Variants in PNPLA7 observed in about 807,000 individuals in gnomAD.
PNPLA7 encodes patatin like domain 7, lysophospholipase.
PNPLA7 carries 153 observed loss-of-function variants against 161.7 expected under a neutral mutation model. That is an observed-to-expected ratio of 0.95 (90% CI 0.83 to 1.08). The LOEUF (loss-of-function observed/expected upper bound fraction) is 1.08, where lower values mean the gene tolerates loss of function less well. PNPLA7 is among the 50% of genes least tolerant of loss of function. PNPLA7 has a pLI of 0.00. For missense variants in PNPLA7, 1,739 were observed against 1,856.6 expected, an observed-to-expected ratio of 0.94 and a Z score of 1.16; for synonymous variants, 809 against 782.1, an observed-to-expected ratio of 1.03 and a Z score of -0.57.
Position 137,521,708 on chromosome 9 carries a change from C to A in PNPLA7, c.885G>T (p.Met295Ile). The change falls in exon 10 of 35, where the codon ATG (methionine) becomes ATT (isoleucine). Residue 295 changes from methionine (M) to isoleucine (I), a missense_variant. Physicochemically the swap from Met to Ile is conservative, Grantham distance 10. This residue lies in a region of PNPLA7 where 152 missense variants were observed against 193.5 expected (regional missense o/e 0.79). Coordinates refer to ENST00000406427, the MANE Select transcript of PNPLA7 (RefSeq NM_001098537.3). ...ETLVRVVQII[M>I]VRLQRVTFLA... ...GAAAGGTCACCCTCTGCAGCCGCAC[C>A]ATGATGATCTGCAAGAACACGCCAG... 6.2e-7 allele frequency: 1 copy of A among 1,610,602 alleles called. No homozygotes were observed.
At chr9:137,538,539 A>G (rs1836015313) in intron 8 of PNPLA7, among the ~76,000 whole-genome samples, 1 of 152,216 alleles carries the variant, frequency 6.6e-6, no homozygotes, top group South Asian at 2.1e-4. Flanking sequence ...TGAGCTCTAG[A>G]AAACTCTCCT....
rs555681357 is a variant in PNPLA7, at chr9:137,522,285, A to G, written c.876+444T>C. Among the ~76,000 whole-genome samples the G allele has an allele frequency of 2.0e-4, 30 of 149,916 alleles. 1 individual carries two copies. The highest frequency in any genetic ancestry group is 1.2e-3 in the East Asian group (6 of 5,120). On this transcript the variant is annotated intron_variant, in intron 9 of 34. Transcript: ENST00000406427. ...GAGACGGGGTTTCACCGTGTGAGCC[A>G]GGATGGTCTCGATCTCCTGACCTCG... is the stretch of plus-strand genomic sequence containing the variant.
chr9:137,541,008 C>G lies in PNPLA7; in HGVS notation c.667-286G>C, dbSNP rs1473306878. Among the ~76,000 whole-genome samples, 1 of 152,140 alleles carries G rather than the reference C, an allele frequency of 6.6e-6. No homozygotes were observed. The highest frequency in any genetic ancestry group is 1.5e-5 in the Non-Finnish European group (1 of 68,032). ...GGACTGAGGCAAAAGCTCGCAGAGC[C>G]TGTTTGTTTGCTGAGCTAACTATAA... On this transcript the variant is annotated intron_variant, in intron 7 of 34. Coordinates refer to ENST00000406427, the MANE Select transcript of PNPLA7 (RefSeq NM_001098537.3). The surrounding 1 kb of genome is among the most constrained non-coding windows in gnomAD (Gnocchi z 4.4).
rs1831519665 is a variant in PNPLA7 at position 137,467,250 on chromosome 9, A to G, written c.3039+67T>C. 2 of 1,522,416 alleles carry G rather than the reference A, an allele frequency of 1.3e-6. No individual in the cohort carries two copies. Among genetic ancestry groups the G allele is most frequent in the African/African-American group, 2.7e-5 (2 of 72,842 alleles). 94.3% of individuals were successfully genotyped at this position (1,522,416 alleles called of 1,614,324 possible). A position where few individuals can be genotyped will look rare whatever the true frequency, so the allele number is the denominator to read the frequency against. On this transcript the variant is annotated intron_variant, in intron 26 of 34. Coordinates refer to ENST00000406427, the MANE Select transcript of PNPLA7 (RefSeq NM_001098537.3). The surrounding 1 kb of genome is among the most constrained non-coding windows in gnomAD (Gnocchi z 5.1). ...GCCACATGCAGAGGCCAACGGCCCC[A>G]GCGTCCCCCAGCACCAGCAAGGACC... is the stretch of plus-strand genomic sequence containing the variant.
intron 25 of PNPLA7, among the ~76,000 whole-genome samples, chr9:137,472,312 T>C (rs759766460): frequency 8.6e-5 from 13 of 151,822 alleles, no homozygotes; most frequent in Non-Finnish European, 1.8e-4. Flanking sequence ...GGAGGCTGGG[T>C]ACGGTGGCTC....
rs1394119396 is a variant in PNPLA7 at position 137,476,782 on chromosome 9, T to C, written c.2882+1252A>G. On this transcript the variant is annotated intron_variant, in intron 25 of 34. Coordinates refer to ENST00000406427, the MANE Select transcript of PNPLA7 (RefSeq NM_001098537.3). This position sits in a 1 kb window ranked among gnomAD's most constrained non-coding sequence, Gnocchi z 4.5. ...CTGTCCCAGACCCACAGAAAGAGAC[T>C]TGGGTCCTGTCCCCAGCCTGGCAAC... is the stretch of plus-strand genomic sequence containing the variant. 2.0e-5 allele frequency among the ~76,000 whole-genome samples: 3 copies of C among 152,224 alleles called. No individual in the cohort carries two copies. The highest frequency in any genetic ancestry group is 2.1e-4 in the South Asian group (1 of 4,836).
chr9:137,460,515 G>C (rs1183620858), intron 34 of PNPLA7, 39 bp from the exon 35 acceptor site: 2 of 1,608,910 alleles, frequency 1.2e-6, no homozygotes, highest in African/African-American at 1.3e-5. Flanking sequence ...GGACCAGGCA[G>C]GGCAGGGGCT....
chr9:137,510,329 C>T (rs1414385879), intron 12 of PNPLA7, among the ~76,000 whole-genome samples: 9 of 152,198 alleles, frequency 5.9e-5, no homozygotes, highest in South Asian at 2.1e-4. Context: ...TCAGTGGTCA[C>T]GCTCCTAGTC....
intron 8 of PNPLA7, among the ~76,000 whole-genome samples, chr9:137,533,943 C>T (rs1835739434): frequency 6.6e-6 from 1 of 151,656 alleles, no homozygotes; most frequent in Non-Finnish European, 1.5e-5. Flanking sequence ...ACAGTGTCCA[C>T]TCCAGGCGGG....
intron 8 of PNPLA7, among the ~76,000 whole-genome samples, chr9:137,530,180 C>CA (rs1835514690): frequency 6.6e-6 from 1 of 151,186 alleles, no homozygotes; most frequent in Non-Finnish European, 1.5e-5. Context: ...TTGGCCAGGA[C>CA]AGTCTTGATC....
At position 137,520,034 on chromosome 9, in the gene PNPLA7, C is replaced by A; in HGVS notation, c.967G>T (p.Ala323Ser). 6.2e-7 allele frequency: 1 copy of A among 1,612,358 alleles called. No individual in the cohort carries two copies. Among genetic ancestry groups the A allele is most frequent in the Non-Finnish European group, 8.5e-7 (1 of 1,179,878 alleles). Residue 323 changes from alanine to serine, a missense_variant, in exon 11 of 35, where the codon GCC becomes TCC. Ala to Ser is a moderately conservative substitution (Grantham distance 99). This residue lies in a region of PNPLA7 where 152 missense variants were observed against 193.5 expected (regional missense o/e 0.79). Coordinates refer to ENST00000406427, the MANE Select transcript of PNPLA7 (RefSeq NM_001098537.3). This position sits in a 1 kb window ranked among gnomAD's most constrained non-coding sequence, Gnocchi z 5.2. ...CTGGCTACAGACACGAGAGGGATGG[C>A]CTGGCTCTCCTGGGACACAAGAAGG... ...TTELFNAESQAIPLVSVASVA... is the reference protein window; with the variant it reads ...TTELFNAESQSIPLVSVASVA...
Position 137,496,141 on chromosome 9 carries a change from G to T in PNPLA7, c.2014-995C>A, listed in dbSNP as rs185312675. On this transcript the variant is annotated intron_variant, in intron 18 of 34. Coordinates refer to ENST00000406427, the MANE Select transcript of PNPLA7 (RefSeq NM_001098537.3). ...TTCAGACGGAGTTTAGTTTTTTTTT[G>T]TTTTTTTTTTTTTGAGATAGAGTTT... 3.9e-3 allele frequency among the ~76,000 whole-genome samples: 534 copies of T among 138,232 alleles called. 2 individuals are homozygous for T. The highest frequency in any genetic ancestry group is 0.012 in the African/African-American group (439 of 37,478). The allele number at this position is 138,232 out of a possible 152,430, so 90.7% of individuals were successfully genotyped here.
chr9:137,488,159 C>T (rs1055319116), intron 20 of PNPLA7, among the ~76,000 whole-genome samples: 1 of 152,168 alleles, frequency 6.6e-6, no homozygotes, highest in Non-Finnish European at 1.5e-5. Context: ...TGTCTCGTCC[C>T]GAGCTTCACT....
At chr9:137,463,626 G>T (rs1277439131) in intron 28 of PNPLA7, 95 bp from the exon 29 acceptor site, 3 of 900,214 alleles carry the variant, frequency 3.3e-6, no homozygotes, top group Admixed American at 2.4e-5. Flanking sequence ...GAGCTGGTAG[G>T]TCCCAACTCT....
Position 137,479,022 on chromosome 9 carries a change from GC to G in PNPLA7, c.2763+33del, listed in dbSNP as rs772745791. ...AACGTTCGAGGAAATGAACCACGGA[GC>G]CACGGGCAGGCAGCCTCCTCTCCCC... On this transcript the variant is annotated intron_variant, in intron 24 of 34. Transcript: ENST00000406427. 15 of 1,519,496 alleles carry G rather than the reference GC, an allele frequency of 9.9e-6. No homozygotes were observed. In the African/African-American group the frequency reaches 1.9e-4, roughly 20 times the overall value. 94.1% of individuals were successfully genotyped at this position (1,519,496 alleles called of 1,614,324 possible).
rs895642918 is a variant in PNPLA7, at chr9:137,547,304, C to T, written c.193+5G>A. 3 of 1,613,214 alleles carry T rather than the reference C, an allele frequency of 1.9e-6. No homozygotes were observed. In the African/African-American group the frequency reaches 4.0e-5, roughly 22 times the overall value. ...CCGGGCCAGAGTCGGAACCAAGATA[C>T]TCACGAAATTGTCTAAGCCTTCTGA... On this transcript the variant is annotated splice_donor_5th_base_variant and intron_variant, in intron 3 of 34. Coordinates refer to ENST00000406427, the MANE Select transcript of PNPLA7 (RefSeq NM_001098537.3). This position sits in a 1 kb window ranked among gnomAD's most constrained non-coding sequence, Gnocchi z 4.6.
chr9:137,503,880 A>T (rs2132325258), intron 14 of PNPLA7, among the ~76,000 whole-genome samples: 1 of 73,004 alleles, frequency 1.4e-5, no homozygotes, highest in Admixed American at 1.2e-4. Flanking sequence ...AGGAAGAAGA[A>T]AGAAGAAGGA....
In PNPLA7 at chr9:137,467,247, C is replaced by T; in HGVS notation, c.3039+70G>A. 1 of 1,517,800 alleles carries T rather than the reference C, an allele frequency of 6.6e-7. No individual in the cohort carries two copies. 94.0% of individuals were successfully genotyped at this position (1,517,800 alleles called of 1,614,324 possible). On this transcript the variant is annotated intron_variant, in intron 26 of 34. Transcript: ENST00000406427. This position sits in a 1 kb window ranked among gnomAD's most constrained non-coding sequence, Gnocchi z 5.1. ...AGAGCCACATGCAGAGGCCAACGGC[C>T]CCAGCGTCCCCCAGCACCAGCAAGG...
intron 11 of PNPLA7, among the ~76,000 whole-genome samples, chr9:137,519,599 G>T (rs2265167): frequency 6.6e-6 from 1 of 151,936 alleles, no homozygotes; most frequent in Non-Finnish European, 1.5e-5. Flanking sequence ...CATCCAGCCC[G>T]CATGTGAGGA....
Sources: allele counts gnomAD v4.1 joint callset (sites outside exome capture counted in the v4.1 genomes callset), GRCh38; gene constraint gnomAD v4.1.1; regional missense constraint gnomAD v4.1.1; non-coding constraint Gnocchi (gnomAD v3.1); transcripts MANE v1.5; gene names NCBI Gene and HGNC (gene_info 2026-07-23, HGNC 2026-07-21).